The following GMPR variants were observed in gnomAD, a reference collection of about 807,000 sequenced individuals.
The protein encoded by GMPR is guanosine monophosphate reductase.
Under a neutral mutation model 38.4 loss-of-function variants are expected in GMPR, and 31 were observed. The observed-to-expected ratio is 0.81, with a 90% confidence interval of 0.61 to 1.09. The LOEUF (loss-of-function observed/expected upper bound fraction) is 1.09. Ranked by LOEUF, GMPR falls within the 50% of genes least tolerant of loss-of-function variation. The pLI, the probability that GMPR is intolerant of heterozygous loss-of-function variation, is 0.00. For missense variants in GMPR, 468 were observed against 453.7 expected, an observed-to-expected ratio of 1.03 and a Z score of -0.29; for synonymous variants, 162 against 173.3, an observed-to-expected ratio of 0.93 and a Z score of 0.51.
chr6:16,276,243 C>A (rs1000319529), intron 5 of GMPR, among the ~76,000 whole-genome samples: 6 of 152,028 alleles, frequency 3.9e-5, no homozygotes, highest in African/African-American at 1.4e-4. Context: ...GATCTCAGCT[C>A]ACTGCAACCT....
chr6:16,250,314 T>C lies in GMPR; in HGVS notation c.238T>C (p.Tyr80His). 6.2e-7 allele frequency: 1 copy of C among 1,609,952 alleles called. No individual in the cohort carries two copies. The highest frequency in any genetic ancestry group is 8.5e-7 in the Non-Finnish European group (1 of 1,176,134). Reference protein sequence around the residue: ...HSMFTAIHKHYSLDDWKLFAT... With the variant: ...HSMFTAIHKHHSLDDWKLFAT... Reference sequence around the variant, plus strand: ...CATGTTTACAGCAATTCATAAGCATTACTCCCTGGATGACTGGAAGCTCTT... The same window carrying C: ...CATGTTTACAGCAATTCATAAGCATCACTCCCTGGATGACTGGAAGCTCTT... Residue 80 changes from tyrosine to histidine, a missense_variant, in exon 3 of 9, where the codon TAC becomes CAC. Transcript: ENST00000259727.
chr6:16,266,007 G>C (rs146378572), intron 4 of GMPR, among the ~76,000 whole-genome samples: 2 of 152,134 alleles, frequency 1.3e-5, no homozygotes, highest in East Asian at 3.9e-4. Flanking sequence ...AACACTCACC[G>C]TGAAGGTCTG....
rs1334380838 is a variant in GMPR, at chr6:16,295,475, C to CCTTTCTTTGTTTTT, written c.*298_*311dup. ...CTTTCTCTTTTTCTCTTTCTCTCTC[C>CCTTTCTTTGTTTTT]CTTTCTTTGTTTTTCTTTCTTTTTT... On this transcript the variant is annotated 3_prime_UTR_variant, in exon 9 of 9. Transcript: ENST00000259727. The CCTTTCTTTGTTTTT allele has an allele frequency of 1.6e-5, 5 of 309,772 alleles. No individual in the cohort carries two copies. Among genetic ancestry groups the CCTTTCTTTGTTTTT allele is most frequent in the African/African-American group, 8.6e-5 (4 of 46,686 alleles). 19.2% of individuals were successfully genotyped at this position (309,772 alleles called of 1,614,324 possible).
chr6:16,274,013 A>G (rs1195384723), intron 4 of GMPR, among the ~76,000 whole-genome samples: 1 of 151,956 alleles, frequency 6.6e-6, no homozygotes, highest in Non-Finnish European at 1.5e-5. Flanking sequence ...ACAGGGTTTC[A>G]CCATGTTGGC....
Position 16,278,776 on chromosome 6 carries a change from C to G in GMPR, c.548-8C>G. 6.3e-7 allele frequency: 1 copy of G among 1,595,592 alleles called. No individual in the cohort carries two copies. Reference sequence around the variant, plus strand: ...ATCTATTTGGGGACAACTTCTTTCTCTGTGCAGGTTCTGTGTGCACCACCC... The same window carrying G: ...ATCTATTTGGGGACAACTTCTTTCTGTGTGCAGGTTCTGTGTGCACCACCC... On this transcript the variant is annotated splice_region_variant and splice_polypyrimidine_tract_variant and intron_variant, in intron 5 of 8. Coordinates refer to ENST00000259727, the MANE Select transcript of GMPR (RefSeq NM_006877.4).
chr6:16,258,329 G>T (rs1467374582), intron 4 of GMPR, among the ~76,000 whole-genome samples: 1 of 152,238 alleles, frequency 6.6e-6, no homozygotes, highest in Non-Finnish European at 1.5e-5. Flanking sequence ...AGCTGGGCCT[G>T]CTGAGAACTG....
chr6:16,266,303 A>G (rs956024708), intron 4 of GMPR, among the ~76,000 whole-genome samples: 2 of 151,040 alleles, frequency 1.3e-5, no homozygotes, highest in African/African-American at 4.9e-5. Flanking sequence ...AGTGTAGACC[A>G]TGAACCCACG....
intron 7 of GMPR, chr6:16,290,199 C>G: frequency 2.6e-6 from 1 of 381,620 alleles, no homozygotes; most frequent in Non-Finnish European, 4.8e-6. Flanking sequence ...CCATTAAAAG[C>G]CATTCAGCAT....
intron 1 of GMPR, among the ~76,000 whole-genome samples, chr6:16,241,018 C>T (rs1410427000): frequency 6.6e-6 from 1 of 152,114 alleles, no homozygotes; most frequent in African/African-American, 2.4e-5. Flanking sequence ...CCCTAATCCC[C>T]TCTCAATGTT....
intron 4 of GMPR, among the ~76,000 whole-genome samples, chr6:16,266,443 G>T (rs1759230309): frequency 8.8e-6 from 1 of 113,804 alleles, no homozygotes; most frequent in South Asian, 3.1e-4. Context: ...CACGTCGGAC[G>T]TGCCACCTTT....
chr6:16,238,848 G>A, intron 1 of GMPR, 68 bp downstream of exon 1: 1 of 774,032 alleles, frequency 1.3e-6, no homozygotes, highest in Non-Finnish European at 2.0e-6. Flanking sequence ...GCAAGTGGGT[G>A]GAAGGGGGTG....
chr6:16,259,124 G>C (rs1268285137), intron 4 of GMPR: 1 of 152,120 alleles, frequency 6.6e-6, no homozygotes, highest in African/African-American at 2.4e-5. Context: ...AGCGAAGGGA[G>C]ATAGGGGTGG....
intron 7 of GMPR, among the ~76,000 whole-genome samples, chr6:16,288,184 C>G (rs369801818): frequency 3.9e-5 from 6 of 152,390 alleles, no homozygotes; most frequent in African/African-American, 1.4e-4. Context: ...CCCGTCTCTG[C>G]ACTCTGGGAG....
chr6:16,238,674 C>T lies in GMPR; in HGVS notation c.-20C>T. On this transcript the variant is annotated 5_prime_UTR_variant, in exon 1 of 9. Transcript: ENST00000259727. ...CCCCGCCCCGCCGTCGCCGCCGCCG[C>T]AGCCAGGAGCCGCTGCACCATGCCC... is the stretch of plus-strand genomic sequence containing the variant. The T allele has an allele frequency of 7.8e-7, 1 of 1,284,846 alleles. No individual in the cohort carries two copies. Among genetic ancestry groups the T allele is most frequent in the East Asian group, 3.4e-5 (1 of 29,092 alleles). 79.6% of individuals were successfully genotyped at this position (1,284,846 alleles called of 1,614,324 possible).
In GMPR at chr6:16,279,349, G is replaced by A. The variant is rs146015382; in HGVS notation, c.654+459G>A. ...TTCTGCTGGTTCCTTAGCTTGTGGCGTCCTCTGTGTGTGTGTCTCTGTGTG... is the reference window on the plus strand; with the variant it reads ...TTCTGCTGGTTCCTTAGCTTGTGGCATCCTCTGTGTGTGTGTCTCTGTGTG... On this transcript the variant is annotated intron_variant, in intron 6 of 8. Coordinates refer to ENST00000259727, the MANE Select transcript of GMPR (RefSeq NM_006877.4). Among the ~76,000 whole-genome samples the A allele has an allele frequency of 3.9e-4, 59 of 152,258 alleles. No individual in the cohort carries two copies. In the East Asian group the frequency reaches 0.01, roughly 27 times the overall value.
intron 5 of GMPR, among the ~76,000 whole-genome samples, chr6:16,276,990 A>T (rs1759483687): frequency 6.6e-6 from 1 of 152,164 alleles, no homozygotes; most frequent in Admixed American, 6.5e-5. Flanking sequence ...AGCCCTCACT[A>T]CTATCAGAAC....
chr6:16,293,016 GTC>G (rs58570071), intron 8 of GMPR, among the ~76,000 whole-genome samples: 160 of 149,060 alleles, frequency 1.1e-3, no homozygotes, highest in Admixed American at 1.5e-3. Flanking sequence ...CTCTGTCTGA[GTC>G]TCTCTCTCTC....
At chr6:16,275,805 C>A (rs1037017239) in intron 5 of GMPR, among the ~76,000 whole-genome samples, 2 of 152,234 alleles carry the variant, frequency 1.3e-5, no homozygotes, top group East Asian at 3.9e-4. Flanking sequence ...CGCCTGGTCT[C>A]CCAGCACTTT....
chr6:16,260,608 G>T (rs1330933584), intron 4 of GMPR, among the ~76,000 whole-genome samples: 1 of 152,034 alleles, frequency 6.6e-6, no homozygotes, highest in East Asian at 1.9e-4. Context: ...GGAACACTGA[G>T]AAGTTATTTC....
Sources: gnomAD v4.1 joint callset for allele counts (sites outside exome capture counted in the v4.1 genomes callset) on GRCh38, gnomAD v4.1.1 for gene constraint, MANE v1.5 for transcripts, NCBI Gene and HGNC (gene_info 2026-07-23, HGNC 2026-07-21) for gene names.